OR2W3: variants seen among roughly 807,000 people sequenced by gnomAD.
OR2W3 encodes the protein olfactory receptor 2W3.
For synonymous variants in OR2W3, 196 were observed against 168.2 expected, an observed-to-expected ratio of 1.17 and a Z score of -1.28; for missense variants, 448 against 397.0, an observed-to-expected ratio of 1.13 and a Z score of -1.09.
In OR2W3 at chr1:247,896,486, A is replaced by C; in HGVS notation, c.900A>C (p.Ala300=). The change falls in exon 1 of 1, where the codon GCA becomes GCC. Residue 300 remains alanine, a synonymous_variant. Transcript: ENST00000360358. Reference sequence around the variant, plus strand: ...TCAGAAACAGAGAGGTGAAGGGGGCACTGGGAAGGTTGCTTCTGGGGAAGA... The same window carrying C: ...TCAGAAACAGAGAGGTGAAGGGGGCCCTGGGAAGGTTGCTTCTGGGGAAGA... ...YTLRNREVKG[A]LGRLLLGKRE... is the part of the protein sequence containing the mutation. The C allele has an allele frequency of 6.2e-7, 1 of 1,613,540 alleles. No homozygotes were observed. The highest frequency in any genetic ancestry group is 8.5e-7 in the Non-Finnish European group (1 of 1,179,740).
chr1:247,895,594 G>C lies in OR2W3; in HGVS notation c.8G>C (p.Gly3Ala), dbSNP rs1376990186. 6.2e-7 allele frequency: 1 copy of C among 1,602,768 alleles called. No individual in the cohort carries two copies. The highest frequency in any genetic ancestry group is 1.1e-5 in the South Asian group (1 of 90,238). MD[G>A]TNGSTQTHFI... Reference sequence around the variant, plus strand: ...TGTTCAGCAGCAGTAGAGATGGATGGAACCAATGGCAGCACCCAAACCCAT... The same window carrying C: ...TGTTCAGCAGCAGTAGAGATGGATGCAACCAATGGCAGCACCCAAACCCAT... The change falls in exon 1 of 1, where the codon GGA becomes GCA. Residue 3 changes from glycine to alanine, a missense_variant. Coordinates refer to ENST00000360358, the MANE Select transcript of OR2W3 (RefSeq NM_001001957.2).
chr1:247,895,982 C>T lies in OR2W3; in HGVS notation c.396C>T (p.Tyr132=), dbSNP rs747431600. ...RCVAICKPLH[Y]MVIMNPRLCR... ...TGGCTATCTGCAAGCCCCTGCACTA[C>T]ATGGTGATCATGAACCCCAGGCTCT... The change falls in exon 1 of 1, where the codon TAC becomes TAT. Residue 132 remains tyrosine, a synonymous_variant. Coordinates refer to ENST00000360358, the MANE Select transcript of OR2W3 (RefSeq NM_001001957.2). 1.2e-6 allele frequency: 2 copies of T among 1,614,160 alleles called. No homozygotes were observed. The highest frequency in any genetic ancestry group is 2.2e-5 in the East Asian group (1 of 44,870).
rs764205185 is a variant in OR2W3 at position 247,895,762 on chromosome 1, T to C, written c.176T>C (p.Met59Thr). Residue 59 changes from methionine (M) to threonine (T), a missense_variant, in exon 1 of 1, where the codon ATG becomes ACG. Physicochemically the swap from Met to Thr is moderately conservative, Grantham distance 81. Coordinates refer to ENST00000360358, the MANE Select transcript of OR2W3 (RefSeq NM_001001957.2). ...CTGGACCCCCACCTCCACACCCCCA[T>C]GTACTTCTTCCTCGCCCACCTTTCC... ...SRLDPHLHTP[M>T]YFFLAHLSFL... 8.7e-6 allele frequency: 14 copies of C among 1,613,850 alleles called. No homozygotes were observed. The highest frequency in any genetic ancestry group is 2.2e-5 in the East Asian group (1 of 44,874).
Position 247,896,051 on chromosome 1 carries a change from CT to C in OR2W3, c.466del (p.Ser156ProfsTer7). ...TGACCTGGGGCTGTGGGGTGGCCAA[CT>C]CCTTGGCCATGTCTCCTGTGACCCT... ...SVTWGCGVAN[S>X]LAMSPVTLRL... On this transcript the variant is annotated frameshift_variant, in exon 1 of 1. Transcript: ENST00000360358. LOFTEE classifies it low-confidence loss of function (END_TRUNC). 6.8e-7 allele frequency: 1 copy of C among 1,474,332 alleles called. No individual in the cohort carries two copies. The highest frequency in any genetic ancestry group is 9.4e-7 in the Non-Finnish European group (1 of 1,063,400). The allele number at this position is 1,474,332 out of a possible 1,614,324, so 91.3% of individuals were successfully genotyped here. A position where few individuals can be genotyped will look rare whatever the true frequency, so the allele number is the denominator to read the frequency against.
Position 247,896,152 on chromosome 1 carries a change from G to A in OR2W3, c.566G>A (p.Cys189Tyr), listed in dbSNP as rs1348813127. The A allele has an allele frequency of 6.2e-7, 1 of 1,614,032 alleles. No homozygotes were observed. The highest frequency in any genetic ancestry group is 1.3e-5 in the African/African-American group (1 of 74,934). Residue 189 changes from cysteine (C) to tyrosine (Y), a missense_variant, in exon 1 of 1, where the codon TGC becomes TAC. Transcript: ENST00000360358. ...ATGCCCGCCCTGATCCGGATGGCCTGCGTCAGCACTGTGGCCATCGAAGGC... is the reference window on the plus strand; with the variant it reads ...ATGCCCGCCCTGATCCGGATGGCCTACGTCAGCACTGTGGCCATCGAAGGC... The part of the protein sequence containing the change: ...REMPALIRMA[C>Y]VSTVAIEGTV...
At position 247,896,477 on chromosome 1, in the gene OR2W3, G is replaced by GA. The variant is rs80255919; in HGVS notation, c.893dup (p.Ala300GlyfsTer?). On this transcript the variant is annotated frameshift_variant, in exon 1 of 1. Transcript: ENST00000360358. LOFTEE classifies it low-confidence loss of function (END_TRUNC). ...TCTACACCCTCAGAAACAGAGAGGT[G>GA]AAGGGGGCACTGGGAAGGTTGCTTC... 0.15 allele frequency: 240,320 copies of GA among 1,613,494 alleles called. 18,723 individuals are homozygous for GA. Among genetic ancestry groups the GA allele is most frequent in the South Asian group, 0.19 (17,358 of 91,036 alleles).
At position 247,895,638 on chromosome 1, in the gene OR2W3, T is replaced by C; in HGVS notation, c.52T>C (p.Ser18Pro). The C allele has an allele frequency of 1.2e-6, 2 of 1,614,072 alleles. No homozygotes were observed. Among genetic ancestry groups the C allele is most frequent in the Non-Finnish European group, 1.7e-6 (2 of 1,179,986 alleles). The part of the protein sequence containing the change: ...TQTHFILLGF[S>P]DRPHLERILF... ...AACCCATTTCATCCTACTGGGATTC[T>C]CTGACCGACCCCATCTGGAGAGGAT... The change falls in exon 1 of 1, where the codon TCT becomes CCT. Residue 18 changes from serine to proline, a missense_variant. Coordinates refer to ENST00000360358, the MANE Select transcript of OR2W3 (RefSeq NM_001001957.2).
chr1:247,895,648 C>G lies in OR2W3; in HGVS notation c.62C>G (p.Pro21Arg), dbSNP rs1266641024. 6.2e-7 allele frequency: 1 copy of G among 1,613,930 alleles called. No homozygotes were observed. The highest frequency in any genetic ancestry group is 1.7e-5 in the Admixed American group (1 of 60,006). Reference protein sequence around the residue: ...HFILLGFSDRPHLERILFVVI... With the variant: ...HFILLGFSDRRHLERILFVVI... ...ATCCTACTGGGATTCTCTGACCGAC[C>G]CCATCTGGAGAGGATCCTCTTTGTG... Residue 21 changes from proline (P) to arginine (R), a missense_variant, in exon 1 of 1, where the codon CCC (proline) becomes CGC (arginine). Physicochemically the swap from Pro to Arg is moderately radical, Grantham distance 103. Coordinates refer to ENST00000360358, the MANE Select transcript of OR2W3 (RefSeq NM_001001957.2).
chr1:247,895,768 T>A lies in OR2W3; in HGVS notation c.182T>A (p.Phe61Tyr). The A allele has an allele frequency of 6.2e-7, 1 of 1,614,086 alleles. No individual in the cohort carries two copies. The highest frequency in any genetic ancestry group is 8.5e-7 in the Non-Finnish European group (1 of 1,180,008). The stretch of plus-strand genomic sequence containing the variant: ...CCCCACCTCCACACCCCCATGTACT[T>A]CTTCCTCGCCCACCTTTCCTTCCTG... ...LDPHLHTPMY[F>Y]FLAHLSFLDL... Residue 61 changes from phenylalanine to tyrosine, a missense_variant, in exon 1 of 1, where the codon TTC becomes TAC. Physicochemically the swap from Phe to Tyr is conservative, Grantham distance 22 (BLOSUM62 3). Transcript: ENST00000360358.
rs1410906717 is a variant in OR2W3, at chr1:247,896,035, G to A, written c.449G>A (p.Gly150Asp). ...CGGGGCTTGGTGTCAGTGACCTGGG[G>A]CTGTGGGGTGGCCAACTCCTTGGCC... is the stretch of plus-strand genomic sequence containing the variant. Reference protein sequence around the residue: ...LCRGLVSVTWGCGVANSLAMS... With the variant: ...LCRGLVSVTWDCGVANSLAMS... The change falls in exon 1 of 1, where the codon GGC (glycine) becomes GAC (aspartate). Residue 150 changes from glycine to aspartate, a missense_variant. Physicochemically the swap from Gly to Asp is moderately conservative, Grantham distance 94 (BLOSUM62 -1). Transcript: ENST00000360358. 6.2e-7 allele frequency: 1 copy of A among 1,613,840 alleles called. No individual in the cohort carries two copies. Among genetic ancestry groups the A allele is most frequent in the Middle Eastern group, 1.7e-4 (1 of 6,060 alleles).
chr1:247,895,886 G>A lies in OR2W3; in HGVS notation c.300G>A (p.Gln100=). Residue 100 remains glutamine (Q), a synonymous_variant, in exon 1 of 1, where the codon CAG becomes CAA. Coordinates refer to ENST00000360358, the MANE Select transcript of OR2W3 (RefSeq NM_001001957.2). ...KTISYMGCAI[Q]LFLFLGLGGV... ...TCAGCTACATGGGCTGTGCCATCCA[G>A]CTCTTCCTGTTCCTGGGTCTGGGTG... 6.2e-7 allele frequency: 1 copy of A among 1,614,140 alleles called. No individual in the cohort carries two copies. Among genetic ancestry groups the A allele is most frequent in the Non-Finnish European group, 8.5e-7 (1 of 1,180,014 alleles).
rs527735261 is a variant in OR2W3 at position 247,895,919 on chromosome 1, G to A, written c.333G>A (p.Glu111=). ...TGTTCCTGGGTCTGGGTGGTGTGGA[G>A]TGCCTGCTTCTGGCTGTCATGGCCT... ...LFLFLGLGGV[E]CLLLAVMAYD... The change falls in exon 1 of 1, where the codon GAG becomes GAA. Residue 111 remains glutamate, a synonymous_variant. Transcript: ENST00000360358. The A allele has an allele frequency of 1.4e-5, 23 of 1,614,124 alleles. No individual in the cohort carries two copies. Among genetic ancestry groups the A allele is most frequent in the Middle Eastern group, 1.6e-4 (1 of 6,062 alleles).
At position 247,895,945 on chromosome 1, in the gene OR2W3, A is replaced by G. The variant is rs753772032; in HGVS notation, c.359A>G (p.Tyr120Cys). The change falls in exon 1 of 1, where the codon TAT becomes TGT. Residue 120 changes from tyrosine to cysteine, a missense_variant. Tyr to Cys is a radical substitution (Grantham distance 194). Coordinates refer to ENST00000360358, the MANE Select transcript of OR2W3 (RefSeq NM_001001957.2). ...VECLLLAVMA[Y>C]DRCVAICKPL... ...TGCCTGCTTCTGGCTGTCATGGCCT[A>G]TGACCGGTGTGTGGCTATCTGCAAG... 6 of 1,613,868 alleles carry G rather than the reference A, an allele frequency of 3.7e-6. No individual in the cohort carries two copies. In the African/African-American group the frequency reaches 5.3e-5, roughly 14 times the overall value.
rs1261031911 is a variant in OR2W3, at chr1:247,896,163, G to C, written c.577G>C (p.Val193Leu). The C allele has an allele frequency of 6.2e-7, 1 of 1,614,048 alleles. No homozygotes were observed. Among genetic ancestry groups the C allele is most frequent in the Non-Finnish European group, 8.5e-7 (1 of 1,180,006 alleles). Residue 193 changes from valine (V) to leucine (L), a missense_variant, in exon 1 of 1, where the codon GTG (valine) becomes CTG (leucine). Transcript: ENST00000360358. The part of the protein sequence containing the change: ...ALIRMACVST[V>L]AIEGTVFVLA... Reference sequence around the variant, plus strand: ...GATCCGGATGGCCTGCGTCAGCACTGTGGCCATCGAAGGCACCGTCTTTGT... The same window carrying C: ...GATCCGGATGGCCTGCGTCAGCACTCTGGCCATCGAAGGCACCGTCTTTGT...
chr1:247,895,837 A>G lies in OR2W3; in HGVS notation c.251A>G (p.Asn84Ser). 3.1e-6 allele frequency: 5 copies of G among 1,613,372 alleles called. No homozygotes were observed. Among genetic ancestry groups the G allele is most frequent in the Non-Finnish European group, 4.2e-6 (5 of 1,179,734 alleles). ...AGCTCCATCCCCCAGCTGCTCTACAACCTTAATGGATGTGACAAGACCATC... is the reference window on the plus strand; with the variant it reads ...AGCTCCATCCCCCAGCTGCTCTACAGCCTTAATGGATGTGACAAGACCATC... ...TTSSIPQLLY[N>S]LNGCDKTISY... Residue 84 changes from asparagine to serine, a missense_variant, in exon 1 of 1, where the codon AAC becomes AGC. By Grantham distance (46) the Asn-to-Ser change is conservative. Transcript: ENST00000360358.
In OR2W3 at chr1:247,895,662, A is replaced by G; in HGVS notation, c.76A>G (p.Ile26Val). ...GFSDRPHLER[I>V]LFVVILIAYL... ...CTCTGACCGACCCCATCTGGAGAGG[A>G]TCCTCTTTGTGGTCATCCTGATCGC... The change falls in exon 1 of 1, where the codon ATC (isoleucine) becomes GTC (valine). Residue 26 changes from isoleucine to valine, a missense_variant. Physicochemically the swap from Ile to Val is conservative, Grantham distance 29. Coordinates refer to ENST00000360358, the MANE Select transcript of OR2W3 (RefSeq NM_001001957.2). 1 of 1,613,926 alleles carries G rather than the reference A, an allele frequency of 6.2e-7. No individual in the cohort carries two copies. The highest frequency in any genetic ancestry group is 8.5e-7 in the Non-Finnish European group (1 of 1,179,940).
Position 247,896,390 on chromosome 1 carries a change from G to A in OR2W3, c.804G>A (p.Gln268=). ...MYMQPGASSS[Q]DQGMFLMLFY... ...TGCAGCCAGGAGCCAGTTCTTCCCA[G>A]GACCAGGGCATGTTCCTCATGCTCT... Residue 268 remains glutamine (Q), a synonymous_variant, in exon 1 of 1, where the codon CAG becomes CAA. Transcript: ENST00000360358. The A allele has an allele frequency of 6.2e-7, 1 of 1,613,964 alleles. No homozygotes were observed. Among genetic ancestry groups the A allele is most frequent in the Non-Finnish European group, 8.5e-7 (1 of 1,179,916 alleles).
Position 247,895,935 on chromosome 1 carries a change from G to A in OR2W3, c.349G>A (p.Val117Ile), listed in dbSNP as rs1253632790. Residue 117 changes from valine (V) to isoleucine (I), a missense_variant, in exon 1 of 1, where the codon GTC becomes ATC. Physicochemically the swap from Val to Ile is conservative, Grantham distance 29. Coordinates refer to ENST00000360358, the MANE Select transcript of OR2W3 (RefSeq NM_001001957.2). ...LGGVECLLLA[V>I]MAYDRCVAIC... ...TGGTGTGGAGTGCCTGCTTCTGGCT[G>A]TCATGGCCTATGACCGGTGTGTGGC... The A allele has an allele frequency of 6.2e-7, 1 of 1,613,976 alleles. No homozygotes were observed. The highest frequency in any genetic ancestry group is 1.3e-5 in the African/African-American group (1 of 74,908).
In OR2W3 at chr1:247,895,817, C is replaced by T. The variant is rs1317887683; in HGVS notation, c.231C>T (p.Ser77=). The T allele has an allele frequency of 6.2e-7, 1 of 1,613,926 alleles. No homozygotes were observed. Among genetic ancestry groups the T allele is most frequent in the South Asian group, 1.1e-5 (1 of 91,070 alleles). The change falls in exon 1 of 1, where the codon TCC becomes TCT. Residue 77 remains serine (S), a synonymous_variant. Transcript: ENST00000360358. ...TGGACCTCAGTTTCACCACCAGCTC[C>T]ATCCCCCAGCTGCTCTACAACCTTA... The part of the protein sequence containing the change: ...SFLDLSFTTS[S]IPQLLYNLNG...
Sources: gnomAD v4.1 joint callset for allele counts on GRCh38, gnomAD v4.1.1 for gene constraint, MANE v1.5 for transcripts, NCBI Gene and HGNC (gene_info 2026-07-23, HGNC 2026-07-21) for gene names.